Variants in ZFYVE1 observed in about 807,000 individuals in gnomAD.
ZFYVE1 encodes zinc finger FYVE domain-containing protein 1.
In ZFYVE1, 30 loss-of-function variants were observed where a neutral mutation model predicts 74.4. The ratio of observed to expected loss-of-function variants is 0.40; its 90% CI spans 0.30 to 0.55. ZFYVE1 has a LOEUF of 0.55. ZFYVE1 is among the 20% of genes least tolerant of loss of function. The pLI is 0.42. For synonymous variants in ZFYVE1, 335 were observed against 385.1 expected, an observed-to-expected ratio of 0.87 and a Z score of 1.52; for missense variants, 703 against 1,011.6, an observed-to-expected ratio of 0.69 and a Z score of 4.14.
intron 5 of ZFYVE1, among the ~76,000 whole-genome samples, chr14:72,981,284 A>G (rs1893323756): frequency 1.3e-5 from 2 of 152,214 alleles, no homozygotes; most frequent in South Asian, 4.1e-4. Flanking sequence ...CCTGGCATAA[A>G]TAATTTTGAA....
At chr14:72,997,220 A>C (rs556457325) in intron 3 of ZFYVE1, among the ~76,000 whole-genome samples, 2 of 152,230 alleles carry the variant, frequency 1.3e-5, no homozygotes, top group African/African-American at 4.8e-5. Flanking sequence ...TCATCAGTAC[A>C]TAAATATCTG....
At chr14:73,016,495 G>A (rs1894205859) in intron 2 of ZFYVE1, among the ~76,000 whole-genome samples, 1 of 149,304 alleles carries the variant, frequency 6.7e-6, no homozygotes, top group African/African-American at 2.5e-5. Context: ...CTGGGCAACA[G>A]TGCAAGATTC....
intron 2 of ZFYVE1, among the ~76,000 whole-genome samples, chr14:73,018,985 A>G (rs1894259213): frequency 6.6e-6 from 1 of 152,048 alleles, no homozygotes; most frequent in African/African-American, 2.4e-5. Flanking sequence ...ATGCGCCAAA[A>G]ATGTGATGAA....
chr14:73,000,634 T>C (rs1205666924), intron 2 of ZFYVE1, among the ~76,000 whole-genome samples: 3 of 150,808 alleles, frequency 2.0e-5, no homozygotes, highest in Admixed American at 2.0e-4. Flanking sequence ...ACAACAAGCA[T>C]TGGCAAGGAT....
chr14:72,991,026 G>A (rs1287218282), intron 4 of ZFYVE1, among the ~76,000 whole-genome samples: 3 of 151,886 alleles, frequency 2.0e-5, no homozygotes, highest in African/African-American at 7.3e-5. Context: ...TTTAATCGCA[G>A]AAAGCTTGGT....
At chr14:72,983,646 G>C (rs1382235964) in intron 4 of ZFYVE1, among the ~76,000 whole-genome samples, 1 of 152,054 alleles carries the variant, frequency 6.6e-6, no homozygotes, top group Non-Finnish European at 1.5e-5. Flanking sequence ...ATTGTGAATA[G>C]TGCCGCAATA....
At position 72,969,749 on chromosome 14, in the gene ZFYVE1, T is replaced by C; in HGVS notation, c.*1133A>G. On this transcript the variant is annotated 3_prime_UTR_variant, in exon 12 of 12. Transcript: ENST00000556143. ...CCTTTCCAGTCATGACAGACAGAGA[T>C]GTCCAGGCTCTTGAGGAGAAACAAA... 1 of 702,556 alleles carries C rather than the reference T, an allele frequency of 1.4e-6. No homozygotes were observed. The allele number at this position is 702,556 out of a possible 1,614,324, so 43.5% of individuals were successfully genotyped here. A position where few individuals can be genotyped will look rare whatever the true frequency, so the allele number is the denominator to read the frequency against.
Position 72,970,961 on chromosome 14 carries a change from C to T in ZFYVE1, c.2255G>A (p.Arg752His), listed in dbSNP as rs757841512. 6.2e-7 allele frequency: 1 copy of T among 1,614,220 alleles called. No individual in the cohort carries two copies. The highest frequency in any genetic ancestry group is 8.5e-7 in the Non-Finnish European group (1 of 1,180,036). The change falls in exon 12 of 12, where the codon CGC (arginine) becomes CAC (histidine). Residue 752 changes from arginine to histidine, a missense_variant. By Grantham distance (29) the Arg-to-His change is conservative (BLOSUM62 0). This residue lies in a region of ZFYVE1 where 492 missense variants were observed against 790.0 expected (regional missense o/e 0.62). Coordinates refer to ENST00000556143, the MANE Select transcript of ZFYVE1 (RefSeq NM_021260.4). ...CCAGCCACGAGAAGGAACAGCCCGG[C>T]GGTCATGGGAGCACTCATCACAGAA... ...QGFCDECSHD[R>H]RAVPSRGWDH... is the part of the protein sequence containing the mutation.
Position 73,026,912 on chromosome 14 carries a change from C to T in ZFYVE1, c.-435+14G>A. The T allele has an allele frequency of 2.5e-6, 1 of 397,250 alleles. No individual in the cohort carries two copies. 24.6% of individuals were successfully genotyped at this position (397,250 alleles called of 1,614,324 possible). A position where few individuals can be genotyped will look rare whatever the true frequency, so the allele number is the denominator to read the frequency against. On this transcript the variant is annotated intron_variant, in intron 1 of 11. Coordinates refer to ENST00000556143, the MANE Select transcript of ZFYVE1 (RefSeq NM_021260.4). ...CCCCGCCCTGCCCTGCCCGCCGCGG[C>T]CCGGGGATCCCACCACTGAGAAGCT... is the stretch of plus-strand genomic sequence containing the variant.
chr14:73,004,427 G>A (rs944656989), intron 2 of ZFYVE1, among the ~76,000 whole-genome samples: 4 of 151,906 alleles, frequency 2.6e-5, no homozygotes, highest in Non-Finnish European at 2.9e-5. Context: ...TGAATGTCTC[G>A]GGATTCATAT....
intron 9 of ZFYVE1, 34 bp from the exon 10 acceptor site, chr14:72,974,993 G>A (rs1893131241): frequency 6.3e-7 from 1 of 1,585,734 alleles, no homozygotes; most frequent in Admixed American, 1.7e-5. Context: ...AGAGAGGCAG[G>A]TAGGTATGGT....
chr14:72,977,606 A>G (rs1327472916), intron 8 of ZFYVE1, among the ~76,000 whole-genome samples: 1 of 152,212 alleles, frequency 6.6e-6, no homozygotes, highest in Non-Finnish European at 1.5e-5. Context: ...AAAGGCATGT[A>G]AATATTTGCA....
Position 72,975,421 on chromosome 14 carries a change from A to T in ZFYVE1, c.1806+130T>A. 8.4e-7 allele frequency: 1 copy of T among 1,185,648 alleles called. No individual in the cohort carries two copies. The highest frequency in any genetic ancestry group is 1.2e-6 in the Non-Finnish European group (1 of 851,870). The allele number at this position is 1,185,648 out of a possible 1,614,324, so 73.4% of individuals were successfully genotyped here. A position where few individuals can be genotyped will look rare whatever the true frequency, so the allele number is the denominator to read the frequency against. Reference sequence around the variant, plus strand: ...CTCAACGACTCCTCCCCTTGCCGGTACTCACAGAGCTCACTGCACTGGCAG... The same window carrying T: ...CTCAACGACTCCTCCCCTTGCCGGTTCTCACAGAGCTCACTGCACTGGCAG... On this transcript the variant is annotated intron_variant, in intron 9 of 11. Transcript: ENST00000556143. The surrounding 1 kb of genome is among the most constrained non-coding windows in gnomAD (Gnocchi z 4.1).
intron 2 of ZFYVE1, among the ~76,000 whole-genome samples, chr14:73,020,688 A>C (rs1338452313): frequency 6.6e-6 from 1 of 152,176 alleles, no homozygotes; most frequent in Non-Finnish European, 1.5e-5. Context: ...TTAAGAAAAA[A>C]GAGCAGGAGC....
intron 3 of ZFYVE1, among the ~76,000 whole-genome samples, chr14:72,994,607 T>C (rs571367778): frequency 6.6e-6 from 1 of 152,244 alleles, no homozygotes; most frequent in Non-Finnish European, 1.5e-5. Flanking sequence ...CAAAAACCCA[T>C]TCATTGGAAA....
At chr14:73,016,327 C>T (rs1292535605) in intron 2 of ZFYVE1, among the ~76,000 whole-genome samples, 3 of 152,016 alleles carry the variant, frequency 2.0e-5, no homozygotes, top group Non-Finnish European at 2.9e-5. Context: ...CTGGATAACA[C>T]GGTGAAACCC....
chr14:72,976,685 A>G (rs2140344263), intron 8 of ZFYVE1, among the ~76,000 whole-genome samples: 1 of 151,782 alleles, frequency 6.6e-6, no homozygotes, highest in South Asian at 2.1e-4. Context: ...CGGGAGGCTG[A>G]GGCAGGAGAA....
At chr14:73,008,746 G>A (rs1894030193) in intron 2 of ZFYVE1, among the ~76,000 whole-genome samples, 1 of 152,154 alleles carries the variant, frequency 6.6e-6, no homozygotes, top group African/African-American at 2.4e-5. Context: ...TATTTGGCCA[G>A]CTGTGAAAAC....
At position 73,024,044 on chromosome 14, in the gene ZFYVE1, G is replaced by T. The variant is rs34303517; in HGVS notation, c.465C>A (p.Asp155Glu). The change falls in exon 2 of 12, where the codon GAC becomes GAA. Residue 155 changes from aspartate to glutamate, a missense_variant. Transcript: ENST00000556143. ...TEKVVSFLLV[D>E]ENEEIQVTNE... ...TGCTTACCTGAATTTCTTCATTTTC[G>T]TCTACTAGGAGGAAACTCACAACCT... 1 of 1,613,656 alleles carries T rather than the reference G, an allele frequency of 6.2e-7. No homozygotes were observed. The highest frequency in any genetic ancestry group is 1.7e-5 in the Admixed American group (1 of 59,958).
Sources: allele counts gnomAD v4.1 joint callset (sites outside exome capture counted in the v4.1 genomes callset), GRCh38; gene constraint gnomAD v4.1.1; regional missense constraint gnomAD v4.1.1; non-coding constraint Gnocchi (gnomAD v3.1); transcripts MANE v1.5; gene names NCBI Gene and HGNC (gene_info 2026-07-23, HGNC 2026-07-21).